The following PIEZO2 variants were observed in gnomAD, a reference collection of about 807,000 sequenced individuals.
PIEZO2 encodes the protein piezo-type mechanosensitive ion channel component 2.
In PIEZO2, 172 loss-of-function variants were observed where a neutral mutation model predicts 337.3. That is an observed-to-expected ratio of 0.51 (90% CI 0.45 to 0.58). The LOEUF (loss-of-function observed/expected upper bound fraction) is 0.58. PIEZO2 is among the 20% of genes least tolerant of loss of function. The probability of loss-of-function intolerance (pLI) is 0.00; values close to 1 mark genes in which losing one functional copy is unlikely to be tolerated. For missense variants in PIEZO2, 3,028 were observed against 3,391.3 expected, an observed-to-expected ratio of 0.89 and a Z score of 2.66; for synonymous variants, 1,251 against 1,228.5, an observed-to-expected ratio of 1.02 and a Z score of -0.38.
chr18:11,064,029 C>CAA, intron 2 of PIEZO2, among the ~76,000 whole-genome samples: 1 of 135,368 alleles, frequency 7.4e-6, no homozygotes, highest in African/African-American at 2.7e-5. Flanking sequence ...ATCTGATGAG[C>CAA]AAAAAAAAAA....
chr18:10,683,065 T>C (rs2034344859), intron 49 of PIEZO2, among the ~76,000 whole-genome samples: 1 of 152,248 alleles, frequency 6.6e-6, no homozygotes, highest in African/African-American at 2.4e-5. Context: ...TTCTTCAGTG[T>C]TGCTGCTCCA....
chr18:11,124,898 G>C (rs1409796715), intron 1 of PIEZO2, among the ~76,000 whole-genome samples: 1 of 152,198 alleles, frequency 6.6e-6, no homozygotes, highest in Non-Finnish European at 1.5e-5. Flanking sequence ...GAAAGAGCCA[G>C]ATTATGGACC....
Position 11,104,100 on chromosome 18 carries a change from T to C in PIEZO2, c.65-37878A>G, listed in dbSNP as rs1254306256. 6.6e-6 allele frequency among the ~76,000 whole-genome samples: 1 copy of C among 152,186 alleles called. No individual in the cohort carries two copies. Among genetic ancestry groups the C allele is most frequent in the Admixed American group, 6.5e-5 (1 of 15,280 alleles). The stretch of plus-strand genomic sequence containing the variant: ...CAATAGTGTAATAGGATGTTAAAAT[T>C]GGATTCTTCTTATCATAGCTTTCAC... On this transcript the variant is annotated intron_variant, in intron 1 of 55. Coordinates refer to ENST00000674853, the MANE Select transcript of PIEZO2 (RefSeq NM_001378183.1). The surrounding 1 kb of genome is among the most constrained non-coding windows in gnomAD (Gnocchi z 4.6).
chr18:10,986,015 G>A (rs978361709), intron 2 of PIEZO2, among the ~76,000 whole-genome samples: 1 of 151,930 alleles, frequency 6.6e-6, no homozygotes, highest in African/African-American at 2.4e-5. Context: ...GGCTGAAAAT[G>A]GGATGGAAAA....
intron 1 of PIEZO2, 50 bp from the exon 2 acceptor site, chr18:11,066,272 G>T: frequency 6.9e-7 from 1 of 1,447,808 alleles, no homozygotes; most frequent in Non-Finnish European, 9.4e-7. Context: ...ACAAAGGCAG[G>T]TTGACAAAAC....
intron 21 of PIEZO2, among the ~76,000 whole-genome samples, chr18:10,765,609 A>G (rs1453508592): frequency 1.3e-5 from 2 of 152,214 alleles, no homozygotes; most frequent in African/African-American, 2.4e-5. Flanking sequence ...GGGAGTGAGT[A>G]GGACACCTGA....
chr18:10,820,332 G>A (rs2040485777), intron 7 of PIEZO2, among the ~76,000 whole-genome samples: 1 of 149,994 alleles, frequency 6.7e-6, no homozygotes, highest in African/African-American at 2.5e-5. Flanking sequence ...AGCTTATGTG[G>A]TTCAGTGGTT....
chr18:10,949,496 A>ACT (rs2308019), intron 3 of PIEZO2, among the ~76,000 whole-genome samples: 86,565 of 151,868 alleles, frequency 0.57, 24,981 homozygotes, highest in African/African-American at 0.62. Context: ...CTGGATTCCC[A>ACT]CTCTGTCTAC....
chr18:10,749,472 A>T lies in PIEZO2; in HGVS notation c.4264+619T>A, dbSNP rs972953481. On this transcript the variant is annotated intron_variant, in intron 29 of 55. Coordinates refer to ENST00000674853, the MANE Select transcript of PIEZO2 (RefSeq NM_001378183.1). ...AGACCCTGTCTTGAAATATTTTTTT[A>T]AAAATAGATAAATAAATAATAATAA... 3.5e-5 allele frequency among the ~76,000 whole-genome samples: 5 copies of T among 141,400 alleles called. No individual in the cohort carries two copies. The East Asian group carries it at 8.6e-4, about 24-fold the overall frequency. The allele number at this position is 141,400 out of a possible 152,430, so 92.8% of individuals were successfully genotyped here.
In PIEZO2 at chr18:10,782,031, G is replaced by C. The variant is rs114433984; in HGVS notation, c.2493-1665C>G. On this transcript the variant is annotated intron_variant, in intron 17 of 55. Transcript: ENST00000674853. ...AAAAATACTGTGAGGTGAAAATTAT[G>C]AGCAAGGAAAATACTCCCATGAGGA... is the stretch of plus-strand genomic sequence containing the variant. 9.8e-3 allele frequency among the ~76,000 whole-genome samples: 1,476 copies of C among 150,492 alleles called. 32 individuals carry two copies. The highest frequency in any genetic ancestry group is 0.035 in the African/African-American group (1,415 of 40,950).
intron 2 of PIEZO2, among the ~76,000 whole-genome samples, chr18:11,050,643 T>C (rs2037489934): frequency 6.6e-6 from 1 of 152,042 alleles, no homozygotes; most frequent in Non-Finnish European, 1.5e-5. Context: ...TTTTCTATCT[T>C]CTAAGGACTT....
chr18:10,775,193 C>T lies in PIEZO2; in HGVS notation c.2535-1155G>A, dbSNP rs1302371302. 1.3e-5 allele frequency among the ~76,000 whole-genome samples: 2 copies of T among 152,198 alleles called. No homozygotes were observed. Among genetic ancestry groups the T allele is most frequent in the African/African-American group, 4.8e-5 (2 of 41,450 alleles). ...AAGGAGTTAGGCTGACATACTACTTCCTTATTTTCCTAAGCTAGTCAATTC... is the reference window on the plus strand; with the variant it reads ...AAGGAGTTAGGCTGACATACTACTTTCTTATTTTCCTAAGCTAGTCAATTC... On this transcript the variant is annotated intron_variant, in intron 18 of 55. Transcript: ENST00000674853. This position sits in a 1 kb window ranked among gnomAD's most constrained non-coding sequence, Gnocchi z 4.3.
At chr18:10,889,543 C>A (rs183389092) in intron 4 of PIEZO2, among the ~76,000 whole-genome samples, 1 of 152,308 alleles carries the variant, frequency 6.6e-6, no homozygotes, top group Admixed American at 6.5e-5. Flanking sequence ...CTGCATTTTA[C>A]AGTAACCTCA....
At position 10,672,998 on chromosome 18, in the gene PIEZO2, G is replaced by C. The variant is rs2033846725; in HGVS notation, c.8162-125C>G. 2 of 747,800 alleles carry C rather than the reference G, an allele frequency of 2.7e-6. No individual in the cohort carries two copies. The highest frequency in any genetic ancestry group is 4.3e-6 in the Non-Finnish European group (2 of 467,392). 46.3% of individuals were successfully genotyped at this position (747,800 alleles called of 1,614,324 possible). A position where few individuals can be genotyped will look rare whatever the true frequency, so the allele number is the denominator to read the frequency against. On this transcript the variant is annotated intron_variant, in intron 54 of 55. Transcript: ENST00000674853. This position sits in a 1 kb window ranked among gnomAD's most constrained non-coding sequence, Gnocchi z 4.7. ...CATAAGGTTCTAGGATGAAAAGGAT[G>C]CATGGACATACTAGAAGCGTGAATG...
chr18:10,715,707 A>T lies in PIEZO2; in HGVS notation c.5199T>A (p.Ile1733=). 6.5e-7 allele frequency: 1 copy of T among 1,536,868 alleles called. No individual in the cohort carries two copies. Among genetic ancestry groups the T allele is most frequent in the Non-Finnish European group, 8.7e-7 (1 of 1,146,648 alleles). Reference sequence around the variant, plus strand: ...CAATTCTCAGAACTGTAGATATATCAATATGCTCCCTTGAAATGGAGTTAA... The same window carrying T: ...CAATTCTCAGAACTGTAGATATATCTATATGCTCCCTTGAAATGGAGTTAA... The part of the protein sequence containing the change: ...TWLNSISREH[I]DISTVLRIER... The change falls in exon 38 of 56, where the codon ATT becomes ATA. Residue 1733 remains isoleucine (I), a synonymous_variant. Coordinates refer to ENST00000674853, the MANE Select transcript of PIEZO2 (RefSeq NM_001378183.1).
intron 3 of PIEZO2, among the ~76,000 whole-genome samples, chr18:10,919,123 T>C (rs1448934957): frequency 1.3e-5 from 2 of 152,074 alleles, no homozygotes; most frequent in Admixed American, 1.3e-4. Flanking sequence ...TAACTTACAT[T>C]TTTATAATTA....
At chr18:10,936,314 G>A (rs1332697881) in intron 3 of PIEZO2, among the ~76,000 whole-genome samples, 2 of 152,108 alleles carry the variant, frequency 1.3e-5, no homozygotes, top group African/African-American at 2.4e-5. Flanking sequence ...AAACTTTACA[G>A]CTCATAAACC....
In PIEZO2 at chr18:10,697,748, T is replaced by C. The variant is rs1307377359; in HGVS notation, c.6827A>G (p.Lys2276Arg). The C allele has an allele frequency of 1.2e-6, 2 of 1,613,540 alleles. No individual in the cohort carries two copies. The highest frequency in any genetic ancestry group is 2.2e-5 in the South Asian group (2 of 90,908). Reference sequence around the variant, plus strand: ...ATGCCATATGTTCTCATGGACTCACTTCTTTATGGTAAAGGCTTTTGCTTT... The same window carrying C: ...ATGCCATATGTTCTCATGGACTCACCTCTTTATGGTAAAGGCTTTTGCTTT... ...LIKAKAFTIK[K>R]TLEIYVPIKQ... Residue 2276 changes from lysine to arginine, a missense_variant and splice_region_variant, in exon 45 of 56, where the codon AAG becomes AGG. Coordinates refer to ENST00000674853, the MANE Select transcript of PIEZO2 (RefSeq NM_001378183.1).
chr18:10,770,228 G>A lies in PIEZO2; in HGVS notation c.2866C>T (p.Gln956Ter), dbSNP rs1036899669. Residue 956 changes from glutamine to a stop codon, truncating the protein, a stop_gained, in exon 21 of 56, where the codon CAG (glutamine) becomes TAG (stop). Coordinates refer to ENST00000674853, the MANE Select transcript of PIEZO2 (RefSeq NM_001378183.1). LOFTEE classifies it high-confidence loss of function. ...LKFLEYFHKLQVFMWWILELH... is the reference protein window; with the variant it reads ...LKFLEYFHKL ...TCCAAAATCCACCACATGAACACCT[G>A]CAGCTTGTGAAAATACTCCAGGAAT... is the stretch of plus-strand genomic sequence containing the variant. The A allele has an allele frequency of 6.5e-7, 1 of 1,537,398 alleles. No homozygotes were observed. Among genetic ancestry groups the A allele is most frequent in the African/African-American group, 1.4e-5 (1 of 73,038 alleles).
Sources: allele counts gnomAD v4.1 joint callset (sites outside exome capture counted in the v4.1 genomes callset), GRCh38; gene constraint gnomAD v4.1.1; non-coding constraint Gnocchi (gnomAD v3.1); transcripts MANE v1.5; gene names NCBI Gene and HGNC (gene_info 2026-07-23, HGNC 2026-07-21).